ADCY2: variants seen among roughly 807,000 people sequenced by gnomAD.
The protein encoded by ADCY2 is adenylate cyclase 2.
Under a neutral mutation model 125.2 loss-of-function variants are expected in ADCY2, and 31 were observed. The ratio of observed to expected loss-of-function variants is 0.25; its 90% CI spans 0.19 to 0.33. The LOEUF is 0.33. ADCY2 is among the 10% of genes least tolerant of loss of function. The probability of loss-of-function intolerance (pLI) is 1.00; values close to 1 mark genes in which losing one functional copy is unlikely to be tolerated. For missense variants in ADCY2, 904 were observed against 1,418.2 expected (o/e 0.64, Z 5.82); for synonymous variants, 512 against 548.4 (o/e 0.93, Z 0.93).
At chr5:7,650,805 C>T (rs1220982547) in intron 4 of ADCY2, among the ~76,000 whole-genome samples, 1 of 152,160 alleles carries the variant, frequency 6.6e-6, no homozygotes, top group Non-Finnish European at 1.5e-5. Flanking sequence ...CATGTTTTCC[C>T]CATATCCTAA....
chr5:7,763,056 TTTG>T (rs1560962881), intron 16 of ADCY2, among the ~76,000 whole-genome samples: 138 of 106,634 alleles, frequency 1.3e-3, no homozygotes, highest in Middle Eastern at 9.1e-3. Context: ...GTTTTTTTTG[TTTG>T]TTTGTTTGTT....
Position 7,593,797 on chromosome 5 carries a change from C to G in ADCY2, c.571-32370C>G, listed in dbSNP as rs79175962. On this transcript the variant is annotated intron_variant, in intron 3 of 24. Coordinates refer to ENST00000338316, the MANE Select transcript of ADCY2 (RefSeq NM_020546.3). Reference sequence around the variant, plus strand: ...AATTGGGGGAAGATGAGACAATAGACAAACGTGAAAAAAAAAATAACATGA... The same window carrying G: ...AATTGGGGGAAGATGAGACAATAGAGAAACGTGAAAAAAAAAATAACATGA... Among the ~76,000 whole-genome samples, 447 of 151,004 alleles carry G rather than the reference C, an allele frequency of 3.0e-3. 1 individual carries two copies. Among genetic ancestry groups the G allele is most frequent in the Admixed American group, 5.7e-3 (86 of 15,200 alleles).
At chr5:7,651,992 G>T (rs1388359959) in intron 4 of ADCY2, among the ~76,000 whole-genome samples, 2 of 152,058 alleles carry the variant, frequency 1.3e-5, no homozygotes, top group East Asian at 3.9e-4. Context: ...TAGTAAGGAC[G>T]GGGGTTTCAC....
At chr5:7,594,904 A>G (rs1261616419) in intron 3 of ADCY2, among the ~76,000 whole-genome samples, 1 of 152,246 alleles carries the variant, frequency 6.6e-6, no homozygotes, top group East Asian at 1.9e-4. Flanking sequence ...TGTCTAAGGA[A>G]GAACGGAGCC....
chr5:7,690,045 T>A (rs1211003009), intron 4 of ADCY2, among the ~76,000 whole-genome samples: 1 of 152,200 alleles, frequency 6.6e-6, no homozygotes, highest in Non-Finnish European at 1.5e-5. Flanking sequence ...TTCCTGGACT[T>A]ACTGAATATA....
At chr5:7,567,131 G>C (rs529120742) in intron 3 of ADCY2, among the ~76,000 whole-genome samples, 207 of 152,224 alleles carry the variant, frequency 1.4e-3, no homozygotes, top group African/African-American at 4.9e-3. Flanking sequence ...TAACAGTTTA[G>C]ATAAATTTTT....
chr5:7,414,191 A>C (rs754348444), intron 1 of ADCY2, among the ~76,000 whole-genome samples: 4 of 152,262 alleles, frequency 2.6e-5, no homozygotes, highest in Admixed American at 6.5e-5. Flanking sequence ...TTTGCAAGAT[A>C]GTTTTCTAAG....
At chr5:7,806,040 G>A (rs1744751062) in intron 22 of ADCY2, among the ~76,000 whole-genome samples, 1 of 152,146 alleles carries the variant, frequency 6.6e-6, no homozygotes, top group African/African-American at 2.4e-5. Flanking sequence ...ACCCTCTCAA[G>A]CCATCATGGA....
At chr5:7,571,282 G>C (rs926474528) in intron 3 of ADCY2, among the ~76,000 whole-genome samples, 1 of 152,148 alleles carries the variant, frequency 6.6e-6, no homozygotes, top group Non-Finnish European at 1.5e-5. Flanking sequence ...TGGTCCAAAG[G>C]CCTGGAAACT....
At chr5:7,791,184 A>C (rs1744239647) in intron 20 of ADCY2, among the ~76,000 whole-genome samples, 2 of 151,810 alleles carry the variant, frequency 1.3e-5, no homozygotes, top group Non-Finnish European at 2.9e-5. Context: ...AAAAGCAGGT[A>C]GTTTCTTGCA....
Position 7,503,020 on chromosome 5 carries a change from G to T in ADCY2, c.409-17718G>T, listed in dbSNP as rs565146473. ...TCCTGTGCCTTTGTCGGAGCTGTTT[G>T]TCTGGTGCCTACTGCAGCCCCAGCT... On this transcript the variant is annotated intron_variant, in intron 2 of 24. Transcript: ENST00000338316. Among the ~76,000 whole-genome samples, 4 of 152,288 alleles carry T rather than the reference G, an allele frequency of 2.6e-5. No homozygotes were observed. The East Asian group carries it at 7.7e-4, about 29-fold the overall frequency.
At chr5:7,697,904 G>A (rs1209504678) in intron 6 of ADCY2, among the ~76,000 whole-genome samples, 1 of 152,206 alleles carries the variant, frequency 6.6e-6, no homozygotes, top group African/African-American at 2.4e-5. Context: ...GCTGGGCATA[G>A]AATGTTTTAT....
chr5:7,603,815 G>C (rs867963973), intron 3 of ADCY2, among the ~76,000 whole-genome samples: 2 of 68,458 alleles, frequency 2.9e-5, no homozygotes, highest in African/African-American at 5.5e-5. Context: ...TTTTTCTTTT[G>C]TTTTTTTTTT....
chr5:7,411,297 C>G (rs1339411594), intron 1 of ADCY2, among the ~76,000 whole-genome samples: 1 of 152,148 alleles, frequency 6.6e-6, no homozygotes, highest in Non-Finnish European at 1.5e-5. Context: ...CTGGCTCACC[C>G]TCTGAGGTGG....
intron 7 of ADCY2, among the ~76,000 whole-genome samples, chr5:7,698,577 C>T (rs1740969529): frequency 6.6e-6 from 1 of 152,150 alleles, no homozygotes; most frequent in African/African-American, 2.4e-5. Flanking sequence ...GTGATGTTCC[C>T]CTCCCTGTGT....
intron 4 of ADCY2, among the ~76,000 whole-genome samples, chr5:7,685,958 T>A (rs1258259654): frequency 6.6e-6 from 1 of 152,210 alleles, no homozygotes; most frequent in Non-Finnish European, 1.5e-5. Flanking sequence ...GGAGAAAAAC[T>A]TACAACATCC....
At chr5:7,425,410 A>G (rs1034157182) in intron 2 of ADCY2, among the ~76,000 whole-genome samples, 1 of 152,248 alleles carries the variant, frequency 6.6e-6, no homozygotes, top group Non-Finnish European at 1.5e-5. Context: ...CCCAAGAAAC[A>G]TTCTTAAGAG....
At chr5:7,521,527 C>T (rs537454476) in intron 3 of ADCY2, among the ~76,000 whole-genome samples, 1 of 152,320 alleles carries the variant, frequency 6.6e-6, no homozygotes, top group African/African-American at 2.4e-5. Flanking sequence ...TTATTCCTAA[C>T]ATTCTCTGTT....
At chr5:7,704,871 C>G (rs1166396939) in intron 7 of ADCY2, among the ~76,000 whole-genome samples, 3 of 149,142 alleles carry the variant, frequency 2.0e-5, no homozygotes, top group African/African-American at 7.4e-5. Flanking sequence ...GAGTGAGACT[C>G]CATCTCCAAA....
Sources: allele counts gnomAD v4.1 joint callset (sites outside exome capture counted in the v4.1 genomes callset), GRCh38; gene constraint gnomAD v4.1.1; transcripts MANE v1.5; gene names NCBI Gene and HGNC (gene_info 2026-07-23, HGNC 2026-07-21).